Variants in PACSIN1 observed in about 807,000 individuals in gnomAD.
PACSIN1 encodes the protein protein kinase C and casein kinase substrate in neurons 1.
Under a neutral mutation model 59.5 loss-of-function variants are expected in PACSIN1, and 15 were observed. That is an observed-to-expected ratio of 0.25 (90% CI 0.17 to 0.39). The LOEUF is 0.39. Ranked by LOEUF, PACSIN1 falls within the 10% of genes least tolerant of loss-of-function variation. The pLI, the probability that PACSIN1 is intolerant of heterozygous loss-of-function variation, is 1.00. For missense variants in PACSIN1, 420 were observed against 580.2 expected, an observed-to-expected ratio of 0.72 and a Z score of 2.84; for synonymous variants, 210 against 220.6, an observed-to-expected ratio of 0.95 and a Z score of 0.42.
At chr6:34,483,372 G>A (rs182017856) in intron 1 of PACSIN1, among the ~76,000 whole-genome samples, 5 of 152,146 alleles carry the variant, frequency 3.3e-5, no homozygotes, top group African/African-American at 1.2e-4. Context: ...TCTGGACAAA[G>A]GACCTTGGGA....
At chr6:34,507,475 A>G (rs1328108009) in intron 1 of PACSIN1, among the ~76,000 whole-genome samples, 1 of 152,110 alleles carries the variant, frequency 6.6e-6, no homozygotes, top group East Asian at 1.9e-4. Context: ...TCACATAAAT[A>G]GAATCTACTG....
intron 1 of PACSIN1, among the ~76,000 whole-genome samples, chr6:34,480,077 C>T (rs1226794661): frequency 1.3e-5 from 2 of 152,018 alleles, no homozygotes; most frequent in South Asian, 2.1e-4. Flanking sequence ...CCACCCACCT[C>T]GGCCTCCCAA....
At chr6:34,528,377 A>C (rs1767526282) in intron 3 of PACSIN1, among the ~76,000 whole-genome samples, 1 of 152,060 alleles carries the variant, frequency 6.6e-6, no homozygotes, top group Admixed American at 6.6e-5. Context: ...CTGACAAGAG[A>C]GATAAGGAGG....
In PACSIN1 at chr6:34,471,997, T is replaced by C. The variant is rs1490347298; in HGVS notation, c.-64+5727T>C. On this transcript the variant is annotated intron_variant, in intron 1 of 9. Coordinates refer to ENST00000244458, the MANE Select transcript of PACSIN1 (RefSeq NM_020804.5). ...GGAGCTTATTACCAGTGTGGAAAGA[T>C]GGTCATCACGTACTGATAAGTTAAA... 2.6e-5 allele frequency among the ~76,000 whole-genome samples: 4 copies of C among 152,230 alleles called. No individual in the cohort carries two copies. In the East Asian group the frequency reaches 7.7e-4, roughly 29 times the overall value.
intron 1 of PACSIN1, among the ~76,000 whole-genome samples, chr6:34,497,193 TC>T (rs1326701304): frequency 1.3e-5 from 2 of 152,046 alleles, no homozygotes; most frequent in East Asian, 3.9e-4. Context: ...CAGGTGATCC[TC>T]CTGCTTCAGC....
intron 1 of PACSIN1, among the ~76,000 whole-genome samples, chr6:34,472,751 G>C (rs73746646): frequency 0.019 from 2,832 of 152,234 alleles, 78 homozygotes; most frequent in African/African-American, 0.062. Flanking sequence ...ATGGGAAAGG[G>C]GGTAAGGTAA....
At chr6:34,512,332 TG>T (rs1398854075) in intron 1 of PACSIN1, among the ~76,000 whole-genome samples, 2 of 38,708 alleles carry the variant, frequency 5.2e-5, no homozygotes, top group Non-Finnish European at 9.5e-5. Context: ...TGGCAGCAGA[TG>T]GGGCTGGATC....
intron 1 of PACSIN1, among the ~76,000 whole-genome samples, chr6:34,506,112 C>A (rs116419920): frequency 8.0e-4 from 122 of 152,270 alleles, no homozygotes; most frequent in African/African-American, 2.8e-3. Context: ...CTTTAAAAAT[C>A]CTTGTCAGAT....
chr6:34,520,713 C>T (rs1015538158), intron 1 of PACSIN1, among the ~76,000 whole-genome samples: 4 of 152,138 alleles, frequency 2.6e-5, no homozygotes, highest in South Asian at 2.1e-4. Context: ...CCCCTGAGGA[C>T]GGAGGAAGCC....
chr6:34,492,153 C>G (rs1349183131), intron 1 of PACSIN1, among the ~76,000 whole-genome samples: 1 of 150,472 alleles, frequency 6.6e-6, no homozygotes, highest in Non-Finnish European at 1.5e-5. Context: ...TATATGTGTT[C>G]CCTTTTGTCT....
intron 1 of PACSIN1, 69 bp from the exon 2 acceptor site, chr6:34,526,174 G>T: frequency 1.4e-6 from 1 of 698,908 alleles, no homozygotes. Flanking sequence ...TGGGGACCCA[G>T]GCCTGGAATG....
In PACSIN1 at chr6:34,525,319, AG is replaced by A. The variant is rs1349302128; in HGVS notation, c.-63-919del. Among the ~76,000 whole-genome samples the A allele has an allele frequency of 6.6e-6, 1 of 152,144 alleles. No homozygotes were observed. The highest frequency in any genetic ancestry group is 1.5e-5 in the Non-Finnish European group (1 of 67,998). On this transcript the variant is annotated intron_variant, in intron 1 of 9. Transcript: ENST00000244458. The surrounding 1 kb of genome is among the most constrained non-coding windows in gnomAD (Gnocchi z 4.9). ...AGGCCCTGGACAGATGGGGAGCCCT[AG>A]GGGGAGGGACATCCTCCACCAACCA...
chr6:34,512,050 C>T (rs1372980557), intron 1 of PACSIN1, among the ~76,000 whole-genome samples: 1 of 151,566 alleles, frequency 6.6e-6, no homozygotes, highest in Non-Finnish European at 1.5e-5. Flanking sequence ...TGTGTGTATG[C>T]GTATGTGCAT....
At chr6:34,475,602 G>C (rs1411611899) in intron 1 of PACSIN1, among the ~76,000 whole-genome samples, 1 of 152,196 alleles carries the variant, frequency 6.6e-6, no homozygotes, top group Non-Finnish European at 1.5e-5. Flanking sequence ...TCCCGGGGAA[G>C]GGCCTAGCCT....
intron 1 of PACSIN1, among the ~76,000 whole-genome samples, chr6:34,508,489 A>G (rs1487074873): frequency 6.6e-6 from 1 of 151,352 alleles, no homozygotes; most frequent in Non-Finnish European, 1.5e-5. Context: ...CTGATCTTGA[A>G]CTCCTGAGCT....
chr6:34,520,692 G>A (rs1767375386), intron 1 of PACSIN1, among the ~76,000 whole-genome samples: 1 of 152,202 alleles, frequency 6.6e-6, no homozygotes, highest in Non-Finnish European at 1.5e-5. Flanking sequence ...TGCCGCCTGC[G>A]TGCTGCAGTA....
rs1767553208 is a variant in PACSIN1, at chr6:34,529,593, C to T, written c.612+41C>T. ...GATGGCAGTAGGGGGTCTGGGGGCC[C>T]CTTGCAGAGGGTGGTGGCTGGGAGC... On this transcript the variant is annotated intron_variant, in intron 5 of 9. Transcript: ENST00000244458. This position sits in a 1 kb window ranked among gnomAD's most constrained non-coding sequence, Gnocchi z 6.3. The T allele has an allele frequency of 3.1e-6, 5 of 1,612,776 alleles. No homozygotes were observed. Among genetic ancestry groups the T allele is most frequent in the Non-Finnish European group, 4.2e-6 (5 of 1,179,008 alleles).
chr6:34,523,062 A>G (rs1460097998), intron 1 of PACSIN1, among the ~76,000 whole-genome samples: 1 of 152,202 alleles, frequency 6.6e-6, no homozygotes, highest in African/African-American at 2.4e-5. Flanking sequence ...GGTATCCCCT[A>G]ATCCCATCAA....
At chr6:34,492,792 A>T (rs2127253747) in intron 1 of PACSIN1, among the ~76,000 whole-genome samples, 1 of 152,384 alleles carries the variant, frequency 6.6e-6, no homozygotes, top group South Asian at 2.1e-4. Context: ...ACATGGGAAT[A>T]GTAGACACCA....
Sources: allele counts gnomAD v4.1 joint callset (sites outside exome capture counted in the v4.1 genomes callset), GRCh38; gene constraint gnomAD v4.1.1; non-coding constraint Gnocchi (gnomAD v3.1); transcripts MANE v1.5; gene names NCBI Gene and HGNC (gene_info 2026-07-23, HGNC 2026-07-21).